TCF4: variants seen among roughly 807,000 people sequenced by gnomAD.
TCF4 encodes the protein transcription factor 4.
Under a neutral mutation model 82.1 loss-of-function variants are expected in TCF4, and 3 were observed. The ratio of observed to expected loss-of-function variants is 0.04; its 90% confidence interval spans 0.02 to 0.09. The LOEUF is 0.09. Among genes scored for constraint, TCF4 ranks in the 10% least tolerant of loss-of-function variants. TCF4 has a pLI of 1.00. For missense variants in TCF4, 518 were observed against 852.7 expected, an observed-to-expected ratio of 0.61 and a Z score of 4.89; for synonymous variants, 276 against 309.6, an observed-to-expected ratio of 0.89 and a Z score of 1.14.
At chr18:55,557,276 G>C (rs564765814) in intron 3 of TCF4, among the ~76,000 whole-genome samples, 2 of 150,844 alleles carry the variant, frequency 1.3e-5, no homozygotes, top group Non-Finnish European at 3.0e-5. Context: ...CACAGACACA[G>C]ACACACACAC....
At chr18:55,466,014 G>A (rs2144977358) in intron 3 of TCF4, among the ~76,000 whole-genome samples, 1 of 152,284 alleles carries the variant, frequency 6.6e-6, no homozygotes, top group Non-Finnish European at 1.5e-5. Flanking sequence ...AGTAGGCAGA[G>A]ACTTGGAGGA....
rs1467260901 is a variant in TCF4, at chr18:55,224,036, T to C, written c.*3999A>G. ...TGCGAAAAATAAGCCAAATATATTT[T>C]TTATTTTTAAATTTAGTTTTTTTTT... On this transcript the variant is annotated 3_prime_UTR_variant, in exon 20 of 20. Transcript: ENST00000354452. 2 of 149,060 alleles carry C rather than the reference T, an allele frequency of 1.3e-5. No individual in the cohort carries two copies. Among genetic ancestry groups the C allele is most frequent in the Non-Finnish European group, 3.0e-5 (2 of 67,000 alleles). The allele number at this position is 149,060 out of a possible 1,614,324, so 9.2% of individuals were successfully genotyped here.
At chr18:55,402,430 T>C (rs887670150) in intron 6 of TCF4, among the ~76,000 whole-genome samples, 2 of 151,772 alleles carry the variant, frequency 1.3e-5, no homozygotes, top group African/African-American at 2.4e-5. Flanking sequence ...TAGATTTTTT[T>C]CCCCCATCAA....
At chr18:55,401,660 G>C in intron 6 of TCF4, 2 of 989,294 alleles carry the variant, frequency 2.0e-6, no homozygotes, top group Non-Finnish European at 2.4e-6. Context: ...AGGAGGGTCT[G>C]TGTTCTGCAC....
intron 15 of TCF4, among the ~76,000 whole-genome samples, chr18:55,248,541 G>T (rs1330011137): frequency 6.6e-6 from 1 of 152,180 alleles, no homozygotes; most frequent in African/African-American, 2.4e-5. Context: ...ATTACTGGTA[G>T]AGCTAAATAG....
At chr18:55,297,663 T>C (rs2066938248) in intron 8 of TCF4, among the ~76,000 whole-genome samples, 1 of 152,178 alleles carries the variant, frequency 6.6e-6, no homozygotes, top group African/African-American at 2.4e-5. Context: ...AACTCTCTGA[T>C]TCAAGTGTGG....
chr18:55,352,291 T>C (rs2082470546), intron 6 of TCF4, among the ~76,000 whole-genome samples: 1 of 152,120 alleles, frequency 6.6e-6, no homozygotes, highest in Non-Finnish European at 1.5e-5. Context: ...TGGTCAAATA[T>C]GACCCATAAG....
At chr18:55,525,793 C>T (rs531707347) in intron 3 of TCF4, among the ~76,000 whole-genome samples, 9 of 77,350 alleles carry the variant, frequency 1.2e-4, no homozygotes, top group Admixed American at 1.7e-4. Context: ...CCGCCTTGCC[C>T]TCGGCGGAAC....
At chr18:55,494,380 A>C (rs904485383) in intron 3 of TCF4, among the ~76,000 whole-genome samples, 20 of 152,196 alleles carry the variant, frequency 1.3e-4, no homozygotes, top group African/African-American at 4.6e-4. Flanking sequence ...CAGTGAGAAT[A>C]AAGGGACTTC....
chr18:55,621,544 A>G (rs1158681537), intron 2 of TCF4, among the ~76,000 whole-genome samples: 3 of 3,374 alleles, frequency 8.9e-4, no homozygotes, highest in Admixed American at 5.6e-3. Context: ...TATATATTAT[A>G]TTATATATTA....
intron 8 of TCF4, among the ~76,000 whole-genome samples, chr18:55,346,063 T>A (rs1450279280): frequency 6.6e-6 from 1 of 152,150 alleles, no homozygotes; most frequent in Admixed American, 6.6e-5. Flanking sequence ...AGATATGGAT[T>A]CAACATCATG....
chr18:55,460,945 T>A, intron 5 of TCF4, 74 bp downstream of exon 5: 1 of 1,314,908 alleles, frequency 7.6e-7, no homozygotes, highest in Non-Finnish European at 1.1e-6. Flanking sequence ...AACCTCTGTC[T>A]AGGACATGGT....
rs572658078 is a variant in TCF4, at chr18:55,431,404, C to T, written c.305-27886G>A. The stretch of plus-strand genomic sequence containing the variant: ...AAGCAATTCTCTCGCCTCAGCCTCC[C>T]GAGTAGCTGGGATTACAGGCACCTG... On this transcript the variant is annotated intron_variant, in intron 5 of 19. Coordinates refer to ENST00000354452, the MANE Select transcript of TCF4 (RefSeq NM_001083962.2). Among the ~76,000 whole-genome samples the T allele has an allele frequency of 2.5e-4, 38 of 152,206 alleles. No individual in the cohort carries two copies. In the East Asian group the frequency reaches 6.6e-3, roughly 26 times the overall value.
chr18:55,603,235 T>C (rs1384932670), intron 2 of TCF4, among the ~76,000 whole-genome samples: 1 of 152,186 alleles, frequency 6.6e-6, no homozygotes, highest in African/African-American at 2.4e-5. Flanking sequence ...GTAGTCACCC[T>C]CTGTGCCCCT....
chr18:55,586,184 A>AGCG (rs2097648405), intron 2 of TCF4: 1 of 611,756 alleles, frequency 1.6e-6, no homozygotes, highest in Admixed American at 5.9e-5. Flanking sequence ...CAGCAGCAGC[A>AGCG]GCAGCAGCAG....
At chr18:55,316,751 T>C (rs2074243935) in intron 8 of TCF4, among the ~76,000 whole-genome samples, 2 of 152,112 alleles carry the variant, frequency 1.3e-5, no homozygotes, top group African/African-American at 4.8e-5. Flanking sequence ...CATCAACTAT[T>C]AGATCTTTTT....
At chr18:55,232,379 G>A (rs1833548234) in intron 17 of TCF4, 130 bp downstream of exon 17, 2 of 948,710 alleles carry the variant, frequency 2.1e-6, no homozygotes, top group South Asian at 1.5e-5. Context: ...TTCTAGAGTA[G>A]GCCTTTAATT....
intron 5 of TCF4, among the ~76,000 whole-genome samples, chr18:55,417,526 G>A (rs1429629180): frequency 6.6e-6 from 1 of 152,086 alleles, no homozygotes; most frequent in African/African-American, 2.4e-5. Flanking sequence ...TTTCTTCTGT[G>A]GTTTACTTAT....
chr18:55,551,224 CG>C (rs775360645), intron 3 of TCF4: 9 of 152,238 alleles, frequency 5.9e-5, no homozygotes, highest in Non-Finnish European at 1.3e-4. Flanking sequence ...GGATTACAGG[CG>C]TGAGTCATAT....
Sources: allele counts gnomAD v4.1 joint callset (sites outside exome capture counted in the v4.1 genomes callset), GRCh38; gene constraint gnomAD v4.1.1; transcripts MANE v1.5; gene names NCBI Gene and HGNC (gene_info 2026-07-23, HGNC 2026-07-21).